TRAPPC9: variants seen among roughly 807,000 people sequenced by gnomAD.
The protein encoded by TRAPPC9 is IKK2 binding protein.
Under a neutral mutation model 124.0 loss-of-function variants are expected in TRAPPC9, and 83 were observed. The observed-to-expected ratio is 0.67, with a 90% confidence interval of 0.56 to 0.80. TRAPPC9 has a LOEUF of 0.80. Among genes scored for constraint, TRAPPC9 ranks in the 30% least tolerant of loss-of-function variants. The pLI is 0.00. For synonymous variants in TRAPPC9, 638 were observed against 617.5 expected (o/e 1.03, Z -0.49); for missense variants, 1,302 against 1,508.3 (o/e 0.86, Z 2.27).
intron 5 of TRAPPC9, among the ~76,000 whole-genome samples, chr8:140,407,914 G>A (rs907034856): frequency 1.2e-4 from 19 of 152,198 alleles, no homozygotes; most frequent in Admixed American, 2.0e-4. Context: ...GAGCCACTGC[G>A]TCTAGCTGAT....
intron 2 of TRAPPC9, among the ~76,000 whole-genome samples, chr8:140,440,787 G>T (rs1356577548): frequency 6.6e-6 from 1 of 151,944 alleles, no homozygotes; most frequent in Non-Finnish European, 1.5e-5. Context: ...TACCACTGTG[G>T]CTTTGCACTC....
At chr8:140,227,597 C>T (rs1478237440) in intron 16 of TRAPPC9, among the ~76,000 whole-genome samples, 1 of 152,220 alleles carries the variant, frequency 6.6e-6, no homozygotes, top group Admixed American at 6.5e-5. Context: ...TAATACTTCT[C>T]TCTAGAATTC....
intron 17 of TRAPPC9, chr8:140,040,519 C>G (rs1325299185): frequency 6.6e-6 from 1 of 152,360 alleles, no homozygotes; most frequent in East Asian, 1.9e-4. Context: ...CTCAGCCTCC[C>G]GAGTAGCTGG....
rs183058780 is a variant in TRAPPC9, at chr8:140,397,505, C to T, written c.1134+115G>A. The T allele has an allele frequency of 5.1e-4, 598 of 1,173,580 alleles. 3 individuals are homozygous for T. In the East Asian group the frequency reaches 0.011, roughly 22 times the overall value. 72.7% of individuals were successfully genotyped at this position (1,173,580 alleles called of 1,614,324 possible). A position where few individuals can be genotyped will look rare whatever the true frequency, so the allele number is the denominator to read the frequency against. Reference sequence around the variant, plus strand: ...AATTAGAAATCAAGTTAAGATTCAACAGTTTTTATCATGGCATGCTGAACC... The same window carrying T: ...AATTAGAAATCAAGTTAAGATTCAATAGTTTTTATCATGGCATGCTGAACC... On this transcript the variant is annotated intron_variant, in intron 7 of 22. Transcript: ENST00000438773.
At chr8:140,086,108 G>A (rs6578067) in intron 17 of TRAPPC9, among the ~76,000 whole-genome samples, 105,509 of 152,062 alleles carry the variant, frequency 0.69, 37,340 homozygotes, top group African/African-American at 0.85. Context: ...CCATCCTCCT[G>A]AAGACTAAAC....
At position 139,910,190 on chromosome 8, in the gene TRAPPC9, C is replaced by A. The variant is rs562020701; in HGVS notation, c.2921G>T (p.Arg974Leu). The A allele has an allele frequency of 4.3e-6, 7 of 1,613,624 alleles. No individual in the cohort carries two copies. The South Asian group carries it at 7.7e-5, about 18-fold the overall frequency. The change falls in exon 20 of 23, where the codon CGA (arginine) becomes CTA (leucine). Residue 974 changes from arginine to leucine, a missense_variant. By Grantham distance (102) the Arg-to-Leu change is moderately radical. Transcript: ENST00000438773. ...KQLEEERREA[R>L]GLEIHSKLGI... ...CAGCTTGCTGTGGATCTCCAGGCCT[C>A]GGGCTTCCCGCCGCTCTTCCTCCAG...
At chr8:139,778,406 A>G (rs1043426754) in intron 21 of TRAPPC9, among the ~76,000 whole-genome samples, 15 of 152,226 alleles carry the variant, frequency 9.9e-5, no homozygotes, top group Non-Finnish European at 1.5e-4. Flanking sequence ...CTGGCACCCA[A>G]TGAAAGATTA....
In TRAPPC9 at chr8:139,740,408, C is replaced by T. The variant is rs574935456; in HGVS notation, c.3056-8206G>A. Among the ~76,000 whole-genome samples, 4 of 152,356 alleles carry T rather than the reference C, an allele frequency of 2.6e-5. No homozygotes were observed. In the East Asian group the frequency reaches 7.7e-4, roughly 29 times the overall value. On this transcript the variant is annotated intron_variant, in intron 21 of 22. Transcript: ENST00000438773. ...CAGAGAAAGGAAGCCATTGGCCAGC[C>T]TGTGCATGGGGCCAGGGGGCCACCG... is the stretch of plus-strand genomic sequence containing the variant.
chr8:140,014,113 G>A (rs995923702), intron 18 of TRAPPC9, among the ~76,000 whole-genome samples: 4 of 152,194 alleles, frequency 2.6e-5, no homozygotes, highest in African/African-American at 9.6e-5. Context: ...GGAAAGTGAC[G>A]AAGGCCTCGG....
At chr8:139,782,323 T>A (rs1341358742) in intron 21 of TRAPPC9, among the ~76,000 whole-genome samples, 1 of 152,146 alleles carries the variant, frequency 6.6e-6, no homozygotes, top group African/African-American at 2.4e-5. Flanking sequence ...GAGGTTGCAG[T>A]GAGCAGAGAT....
At chr8:140,418,485 C>A (rs1479976131) in intron 5 of TRAPPC9, among the ~76,000 whole-genome samples, 2 of 152,138 alleles carry the variant, frequency 1.3e-5, no homozygotes, top group Non-Finnish European at 2.9e-5. Flanking sequence ...CTTTGGGAGG[C>A]CAAGGCAGGT....
Position 139,819,128 on chromosome 8 carries a change from C to T in TRAPPC9, c.3055+66751G>A, listed in dbSNP as rs141138650. On this transcript the variant is annotated intron_variant, in intron 21 of 22. Transcript: ENST00000438773. ...CTACCTCCTGTCAGATCAGCAGTGG[C>T]ATTAAATTCTCACAGAAGCACAAAC... is the stretch of plus-strand genomic sequence containing the variant. Among the ~76,000 whole-genome samples the T allele has an allele frequency of 4.6e-3, 701 of 152,288 alleles. 5 individuals carry two copies. Among genetic ancestry groups the T allele is most frequent in the Middle Eastern group, 0.014 (4 of 294 alleles).
chr8:140,159,595 C>T (rs2061710668), intron 17 of TRAPPC9, among the ~76,000 whole-genome samples: 1 of 152,206 alleles, frequency 6.6e-6, no homozygotes, highest in African/African-American at 2.4e-5. Flanking sequence ...TCTTCTGAAT[C>T]TCATCCAAAT....
chr8:139,988,984 G>C, intron 18 of TRAPPC9, 148 bp from the exon 19 acceptor site: 1 of 693,460 alleles, frequency 1.4e-6, no homozygotes, highest in South Asian at 1.5e-5. Flanking sequence ...GAGGATTACG[G>C]AGACTGGTTC....
chr8:140,114,372 C>A (rs2060839739), intron 17 of TRAPPC9, among the ~76,000 whole-genome samples: 1 of 150,684 alleles, frequency 6.6e-6, no homozygotes, highest in Non-Finnish European at 1.5e-5. Context: ...GAAAATATTC[C>A]TAACAGCAAC....
chr8:140,358,952 G>A (rs79607541), intron 9 of TRAPPC9, among the ~76,000 whole-genome samples: 5,458 of 152,222 alleles, frequency 0.036, 205 homozygotes, highest in African/African-American at 0.098. Context: ...AGATCTCTCC[G>A]ACGGCTTCCC....
At chr8:140,457,755 C>T (rs1024950866), upstream of TRAPPC9, 1 of 996,942 alleles carries the variant, frequency 1.0e-6, no homozygotes, top group Non-Finnish European at 1.2e-6. Context: ...GGCGGCCGAG[C>T]CGGCGCTGCT....
intron 5 of TRAPPC9, among the ~76,000 whole-genome samples, chr8:140,410,751 G>C (rs1254159357): frequency 6.6e-6 from 1 of 151,806 alleles, no homozygotes; most frequent in East Asian, 1.9e-4. Flanking sequence ...GCTGAGGCAG[G>C]AGAATGGCGT....
chr8:139,893,862 G>C (rs1830500091), intron 20 of TRAPPC9, among the ~76,000 whole-genome samples: 1 of 152,240 alleles, frequency 6.6e-6, no homozygotes, highest in Non-Finnish European at 1.5e-5. Flanking sequence ...TTGAGTGACA[G>C]GCAGGATGCT....
Sources: allele counts gnomAD v4.1 joint callset (sites outside exome capture counted in the v4.1 genomes callset), GRCh38; gene constraint gnomAD v4.1.1; transcripts MANE v1.5; gene names NCBI Gene and HGNC (gene_info 2026-07-23, HGNC 2026-07-21).